Variants in SEMA3A observed in about 807,000 individuals in gnomAD.
SEMA3A encodes the protein semaphorin-3A.
In SEMA3A, 29 loss-of-function variants were observed where a neutral mutation model predicts 97.9. The ratio of observed to expected loss-of-function variants is 0.30; its 90% CI spans 0.22 to 0.40. SEMA3A has a LOEUF of 0.40. SEMA3A is among the 10% of genes least tolerant of loss of function. The pLI, the probability that SEMA3A is intolerant of heterozygous loss-of-function variation, is 1.00. For synonymous variants in SEMA3A, 321 were observed against 323.7 expected (o/e 0.99, Z 0.09); for missense variants, 763 against 951.3 (o/e 0.80, Z 2.60).
rs899995625 is a variant in SEMA3A, at chr7:84,008,219, C to T, written c.996-722G>A. Among the ~76,000 whole-genome samples the T allele has an allele frequency of 7.2e-5, 11 of 152,230 alleles. No individual in the cohort carries two copies. The South Asian group carries it at 8.3e-4, about 11-fold the overall frequency. ...CAATTTTCCATTTTATGGCAGGGCG[C>T]GGTGGCTCAAGCCTGTAATACCGGC... On this transcript the variant is annotated intron_variant, in intron 9 of 16. Coordinates refer to ENST00000265362, the MANE Select transcript of SEMA3A (RefSeq NM_006080.3).
At chr7:84,061,151 T>C (rs1342632938) in intron 4 of SEMA3A, among the ~76,000 whole-genome samples, 1 of 152,138 alleles carries the variant, frequency 6.6e-6, no homozygotes. Flanking sequence ...TTCACTTCTC[T>C]AAGAGGGAAA....
At chr7:84,366,809 T>C (rs1802858654) in intron 2 of SEMA3A, among the ~76,000 whole-genome samples, 2 of 151,400 alleles carry the variant, frequency 1.3e-5, no homozygotes, top group East Asian at 1.9e-4. Flanking sequence ...GGCATACTAG[T>C]GGTAAATTGC....
chr7:84,158,741 A>C (rs1001455242), intron 1 of SEMA3A, among the ~76,000 whole-genome samples: 1 of 152,224 alleles, frequency 6.6e-6, no homozygotes, highest in Non-Finnish European at 1.5e-5. Flanking sequence ...ATTTGGATTA[A>C]AAATTATTGA....
intron 6 of SEMA3A, among the ~76,000 whole-genome samples, chr7:84,036,362 T>C (rs557649167): frequency 6.6e-6 from 1 of 152,258 alleles, no homozygotes; most frequent in South Asian, 2.1e-4. Flanking sequence ...CTTATAACAG[T>C]TCCTTGAACC....
At chr7:84,477,073 AATATAT>A (rs10531036) in intron 1 of SEMA3A, among the ~76,000 whole-genome samples, 2 of 140,572 alleles carry the variant, frequency 1.4e-5, no homozygotes, top group African/African-American at 5.3e-5. Flanking sequence ...AAAAAAAAAA[AATATAT>A]ATATATATAT....
intron 3 of SEMA3A, among the ~76,000 whole-genome samples, chr7:84,214,274 C>T (rs1162391804): frequency 6.6e-6 from 1 of 152,152 alleles, no homozygotes; most frequent in Non-Finnish European, 1.5e-5. Flanking sequence ...GCTCCTATTG[C>T]ATTTTTTGTT....
intron 1 of SEMA3A, among the ~76,000 whole-genome samples, chr7:84,145,444 G>A (rs916188224): frequency 2.6e-5 from 4 of 151,890 alleles, no homozygotes; most frequent in Non-Finnish European, 5.9e-5. Flanking sequence ...TTTAGAAAAA[G>A]TAAATATAAA....
At chr7:84,354,458 C>A (rs181477018) in intron 2 of SEMA3A, among the ~76,000 whole-genome samples, 4 of 151,614 alleles carry the variant, frequency 2.6e-5, no homozygotes, top group East Asian at 3.9e-4. Context: ...CCTTCCATTT[C>A]TTTTCCTATA....
intron 2 of SEMA3A, among the ~76,000 whole-genome samples, chr7:84,326,336 T>C (rs1801775311): frequency 6.6e-6 from 1 of 152,120 alleles, no homozygotes. Context: ...AAGAGACAAA[T>C]ATAAACCAAA....
At chr7:84,081,330 T>C (rs149678608) in intron 4 of SEMA3A, among the ~76,000 whole-genome samples, 3,607 of 152,136 alleles carry the variant, frequency 0.024, 62 homozygotes, top group Non-Finnish European at 0.033. Flanking sequence ...CGGTGGCTCA[T>C]GCCTGTAATC....
chr7:84,378,829 TTTA>T (rs1803176112), intron 1 of SEMA3A, among the ~76,000 whole-genome samples: 1 of 152,066 alleles, frequency 6.6e-6, no homozygotes, highest in Non-Finnish European at 1.5e-5. Flanking sequence ...TGGATCTACA[TTTA>T]TTATTTGTTT....
At chr7:84,258,089 C>T (rs1434721568) in intron 3 of SEMA3A, among the ~76,000 whole-genome samples, 1 of 152,156 alleles carries the variant, frequency 6.6e-6, no homozygotes, top group Non-Finnish European at 1.5e-5. Flanking sequence ...GACTCGTTCT[C>T]CCCTTTCTTC....
chr7:84,302,149 T>C (rs1179570477), intron 3 of SEMA3A, among the ~76,000 whole-genome samples: 1 of 152,148 alleles, frequency 6.6e-6, no homozygotes, highest in Non-Finnish European at 1.5e-5. Context: ...GATAAATGTA[T>C]AAATTATTTG....
At chr7:83,980,226 A>G (rs1362715608) in intron 14 of SEMA3A, among the ~76,000 whole-genome samples, 1 of 152,164 alleles carries the variant, frequency 6.6e-6, no homozygotes, top group Non-Finnish European at 1.5e-5. Context: ...TCAAATGAAG[A>G]AAGAGTTATC....
chr7:84,050,336 G>T lies in SEMA3A; in HGVS notation c.548-3893C>A, dbSNP rs370690830. On this transcript the variant is annotated intron_variant, in intron 5 of 16. Coordinates refer to ENST00000265362, the MANE Select transcript of SEMA3A (RefSeq NM_006080.3). ...TTACAGTCCCACCAACGGTGTAAAA[G>T]TGTTCCTATTTCTCCACATGCTCTC... Among the ~76,000 whole-genome samples the T allele has an allele frequency of 5.3e-5, 8 of 152,162 alleles. No individual in the cohort carries two copies. In the East Asian group the frequency reaches 7.7e-4, roughly 15 times the overall value.
At chr7:84,452,417 C>A (rs1466898230) in intron 1 of SEMA3A, among the ~76,000 whole-genome samples, 1 of 152,020 alleles carries the variant, frequency 6.6e-6, no homozygotes. Context: ...GTTGACATGG[C>A]CAGCAAAACA....
chr7:84,245,135 G>A (rs1269002011), intron 3 of SEMA3A, among the ~76,000 whole-genome samples: 1 of 152,138 alleles, frequency 6.6e-6, no homozygotes, highest in Non-Finnish European at 1.5e-5. Context: ...ATGTTGGCCT[G>A]TATTGCTAGG....
chr7:84,083,760 C>T (rs990448026), intron 4 of SEMA3A, among the ~76,000 whole-genome samples: 3 of 152,118 alleles, frequency 2.0e-5, no homozygotes, highest in Non-Finnish European at 4.4e-5. Flanking sequence ...TTTATCTTAA[C>T]ATTTTATATA....
chr7:84,174,155 A>T (rs1797487326), intron 1 of SEMA3A, among the ~76,000 whole-genome samples: 1 of 152,128 alleles, frequency 6.6e-6, no homozygotes. Flanking sequence ...GAGTTGAAAA[A>T]AAAAAGGTGC....
Sources: allele counts gnomAD v4.1 joint callset (sites outside exome capture counted in the v4.1 genomes callset), GRCh38; gene constraint gnomAD v4.1.1; transcripts MANE v1.5; gene names NCBI Gene and HGNC (gene_info 2026-07-23, HGNC 2026-07-21).